RPN1: variants seen among roughly 807,000 people sequenced by gnomAD.
RPN1 encodes the protein ribophorin I, also known as dolichyl-diphosphooligosaccharide--protein glycosyltransferase subunit 1.
Under a neutral mutation model 55.5 loss-of-function variants are expected in RPN1, and 12 were observed. The observed-to-expected ratio is 0.22, with a 90% CI of 0.14 to 0.35. RPN1 has a LOEUF of 0.35. RPN1 is among the 10% of genes least tolerant of loss of function. The pLI is 1.00. For missense variants in RPN1, 679 were observed against 761.3 expected (o/e 0.89, Z 1.27); for synonymous variants, 317 against 305.9 (o/e 1.04, Z -0.38).
intron 3 of RPN1, among the ~76,000 whole-genome samples, chr3:128,635,755 T>C (rs2069677296): frequency 6.7e-6 from 1 of 149,738 alleles, no homozygotes; most frequent in African/African-American, 2.4e-5. Flanking sequence ...CCTGGCCTTA[T>C]ATATATACGT....
At chr3:128,623,302 C>T (rs141296426) in intron 8 of RPN1, among the ~76,000 whole-genome samples, 221 of 152,132 alleles carry the variant, frequency 1.5e-3, no homozygotes, top group African/African-American at 5.1e-3. Flanking sequence ...TGTAGAAGGC[C>T]GAGGCAGGCA....
At chr3:128,642,890 C>A (rs117019449) in intron 2 of RPN1, among the ~76,000 whole-genome samples, 1 of 151,850 alleles carries the variant, frequency 6.6e-6, no homozygotes, top group African/African-American at 2.4e-5. Flanking sequence ...TGGTAGCACG[C>A]GCCTTAATCC....
At position 128,630,132 on chromosome 3, in the gene RPN1, A is replaced by C. The variant is rs763446731; in HGVS notation, c.855T>G (p.Pro285=). The change falls in exon 5 of 10, where the codon CCT becomes CCG. Residue 285 remains proline, a synonymous_variant. Coordinates refer to ENST00000296255, the MANE Select transcript of RPN1 (RefSeq NM_002950.4). ...GGTAATAAACATCCTGGGCAGCAGC[A>C]GGAAGGATGGTCTGCAAGAGAGTGG... ...SSIRSFKTIL[P]AAAQDVYYRD... 6.2e-7 allele frequency: 1 copy of C among 1,612,802 alleles called. No homozygotes were observed. Among genetic ancestry groups the C allele is most frequent in the East Asian group, 2.2e-5 (1 of 44,870 alleles).
rs1051462122 is a variant in RPN1, at chr3:128,638,074, C to T, written c.358G>A (p.Ala120Thr). ...GAAATCTTGGCCCCAGGATCAAGAG[C>T]AACTGGGAGCTTGACTGTGAAGAAT... ...GRFFTVKLPV[A>T]LDPGAKISVI... is the part of the protein sequence containing the mutation. Residue 120 changes from alanine to threonine, a missense_variant, in exon 3 of 10, where the codon GCT becomes ACT. By Grantham distance (58) the Ala-to-Thr change is moderately conservative (BLOSUM62 0). Coordinates refer to ENST00000296255, the MANE Select transcript of RPN1 (RefSeq NM_002950.4). The T allele has an allele frequency of 1.9e-6, 3 of 1,613,650 alleles. No homozygotes were observed. The African/African-American group carries it at 4.0e-5, about 22-fold the overall frequency.
intron 4 of RPN1, 51 bp downstream of exon 4, chr3:128,631,897 G>A: frequency 6.3e-7 from 1 of 1,585,026 alleles, no homozygotes; most frequent in Non-Finnish European, 8.7e-7. Flanking sequence ...AGAATAGGTA[G>A]CTGTGATAAA....
chr3:128,631,705 A>G (rs535853462), intron 4 of RPN1, among the ~76,000 whole-genome samples: 3 of 152,116 alleles, frequency 2.0e-5, no homozygotes, highest in East Asian at 3.9e-4. Flanking sequence ...TCACGCCACT[A>G]TGCTCCAGCC....
At chr3:128,623,673 G>A (rs781334105) in intron 8 of RPN1, among the ~76,000 whole-genome samples, 2 of 152,166 alleles carry the variant, frequency 1.3e-5, no homozygotes, top group Admixed American at 6.5e-5. Context: ...TTGATCGGGG[G>A]ACAGTCAGCA....
At chr3:128,626,930 G>T (rs1355646349) in intron 5 of RPN1, 98 bp from the exon 6 acceptor site, 3 of 1,155,366 alleles carry the variant, frequency 2.6e-6, no homozygotes, top group Admixed American at 1.9e-5. Context: ...AGAGCAAGTA[G>T]ACAGCAAAAC....
chr3:128,622,078 A>C, intron 9 of RPN1, 86 bp downstream of exon 9: 2 of 1,331,760 alleles, frequency 1.5e-6, no homozygotes, highest in African/African-American at 1.4e-5. Context: ...CAGGTAAGCA[A>C]GAGAGCTGCC....
At chr3:128,624,971 G>A (rs540758523) in intron 8 of RPN1, among the ~76,000 whole-genome samples, 9 of 152,152 alleles carry the variant, frequency 5.9e-5, no homozygotes, top group Non-Finnish European at 7.3e-5. Flanking sequence ...GGGGCATGGA[G>A]CCAAGAGCCC....
intron 5 of RPN1, 26 bp downstream of exon 5, chr3:128,629,925 T>A (rs748967156): frequency 6.0e-6 from 8 of 1,331,706 alleles, no homozygotes; most frequent in Middle Eastern, 1.9e-4. Context: ...AAAAGGTTAG[T>A]TTCTCCCTTA....
At position 128,620,016 on chromosome 3, in the gene RPN1, A is replaced by G. The variant is rs969367084; in HGVS notation, c.*395T>C. On this transcript the variant is annotated 3_prime_UTR_variant, in exon 10 of 10. Coordinates refer to ENST00000296255, the MANE Select transcript of RPN1 (RefSeq NM_002950.4). ...ATTTCCATTTGTTCACACACGCTTT[A>G]AAAAAAAAAAAAAAAACACATGCAC... 16 of 83,330 alleles carry G rather than the reference A, an allele frequency of 1.9e-4. No individual in the cohort carries two copies. Among genetic ancestry groups the G allele is most frequent in the Admixed American group, 3.9e-4 (3 of 7,610 alleles). The allele number at this position is 83,330 out of a possible 1,614,324, so 5.2% of individuals were successfully genotyped here.
Position 128,625,594 on chromosome 3 carries a change from GGCC to G in RPN1, c.1332_1334del (p.Ala445del). On this transcript the variant is annotated inframe_deletion, in exon 8 of 10. Transcript: ENST00000296255. The stretch of plus-strand genomic sequence containing the variant: ...TAACGGTGAAGAACAGGATGTAGAA[GGCC>G]GCCACCACCAGCAGGGGCTCCTGCA... The G allele has an allele frequency of 1.2e-6, 2 of 1,614,084 alleles. No individual in the cohort carries two copies.
At chr3:128,626,073 G>C (rs2069597971) in intron 6 of RPN1, 61 bp from the exon 7 acceptor site, 1 of 1,504,786 alleles carries the variant, frequency 6.6e-7, no homozygotes, top group Non-Finnish European at 9.0e-7. Context: ...ACCAGATTTA[G>C]GATCAGAGAA....
At chr3:128,630,772 A>G (rs1177398152) in intron 4 of RPN1, among the ~76,000 whole-genome samples, 2 of 152,246 alleles carry the variant, frequency 1.3e-5, no homozygotes, top group African/African-American at 2.4e-5. Context: ...TGGGTGGCGC[A>G]GTACTATGAA....
At chr3:128,631,523 C>T (rs1442172326) in intron 4 of RPN1, among the ~76,000 whole-genome samples, 1 of 151,394 alleles carries the variant, frequency 6.6e-6, no homozygotes, top group Non-Finnish European at 1.5e-5. Context: ...AGGTGGATCA[C>T]TTGAGGCCAG....
At chr3:128,623,238 C>G (rs1342878106) in intron 8 of RPN1, among the ~76,000 whole-genome samples, 1 of 152,114 alleles carries the variant, frequency 6.6e-6, no homozygotes, top group Non-Finnish European at 1.5e-5. Flanking sequence ...GACTCCGTCT[C>G]TACAAAAAAA....
intron 2 of RPN1, among the ~76,000 whole-genome samples, chr3:128,642,949 G>A (rs747489854): frequency 2.0e-5 from 3 of 149,572 alleles, no homozygotes; most frequent in Admixed American, 6.7e-5. Flanking sequence ...CCCCAGAGGC[G>A]GAGGTTGCAG....
intron 1 of RPN1, among the ~76,000 whole-genome samples, chr3:128,649,795 G>A (rs1293869560): frequency 6.6e-6 from 1 of 152,168 alleles, no homozygotes; most frequent in African/African-American, 2.4e-5. Flanking sequence ...AGGGGGAAGG[G>A]AGAAAATTGG....
Sources: allele counts gnomAD v4.1 joint callset (sites outside exome capture counted in the v4.1 genomes callset), GRCh38; gene constraint gnomAD v4.1.1; transcripts MANE v1.5; gene names NCBI Gene and HGNC (gene_info 2026-07-23, HGNC 2026-07-21).